The following LEF1 variants were observed in gnomAD, a reference collection of about 807,000 sequenced individuals.
LEF1 encodes the protein lymphoid enhancer binding factor 1.
Under a neutral mutation model 51.2 loss-of-function variants are expected in LEF1, and 14 were observed. The ratio of observed to expected loss-of-function variants is 0.27; its 90% confidence interval spans 0.18 to 0.43. LEF1 has a LOEUF of 0.43. Ranked by LOEUF, LEF1 falls within the 20% of genes least tolerant of loss-of-function variation. LEF1 has a pLI of 1.00. For missense variants in LEF1, 386 were observed against 512.0 expected (o/e 0.75, Z 2.37); for synonymous variants, 185 against 183.2 (o/e 1.01, Z -0.08).
At chr4:108,105,693 C>T (rs1424623225) in intron 3 of LEF1, among the ~76,000 whole-genome samples, 1 of 152,054 alleles carries the variant, frequency 6.6e-6, no homozygotes, top group African/African-American at 2.4e-5. Flanking sequence ...CTCTATAGAC[C>T]TGGTGAAATT....
chr4:108,053,132 G>A (rs188603079), intron 11 of LEF1, among the ~76,000 whole-genome samples: 6 of 152,214 alleles, frequency 3.9e-5, no homozygotes, highest in African/African-American at 1.4e-4. Context: ...TATCCTGGTG[G>A]AGGCAGTCTA....
At chr4:108,154,523 C>A (rs1744570520) in intron 3 of LEF1, among the ~76,000 whole-genome samples, 1 of 140,954 alleles carries the variant, frequency 7.1e-6, no homozygotes, top group Non-Finnish European at 1.5e-5. Flanking sequence ...TGAGTTTTAA[C>A]TTAAAATTCT....
intron 3 of LEF1, among the ~76,000 whole-genome samples, chr4:108,116,207 A>G (rs1266886913): frequency 6.6e-6 from 1 of 152,146 alleles, no homozygotes; most frequent in Non-Finnish European, 1.5e-5. Context: ...GCTGACAGGA[A>G]AGAGAAACAG....
intron 3 of LEF1, among the ~76,000 whole-genome samples, chr4:108,097,111 C>G (rs1429127822): frequency 6.6e-6 from 1 of 152,138 alleles, no homozygotes; most frequent in Non-Finnish European, 1.5e-5. Flanking sequence ...GAAAGGAAAT[C>G]AGTATATTAA....
chr4:108,104,717 T>A, intron 3 of LEF1: 1 of 982,442 alleles, frequency 1.0e-6, no homozygotes. Flanking sequence ...CCTCAATTCC[T>A]GGGCCTATCT....
intron 3 of LEF1, among the ~76,000 whole-genome samples, chr4:108,157,214 A>ACACT (rs1744786548): frequency 3.4e-5 from 5 of 147,694 alleles, no homozygotes; most frequent in Admixed American, 2.7e-4. Context: ...ACACACACAC[A>ACACT]CACACAAACA....
rs369135429 is a variant in LEF1, at chr4:108,145,122, A to G, written c.414+18446T>C. Among the ~76,000 whole-genome samples the G allele has an allele frequency of 3.3e-5, 5 of 152,316 alleles. No individual in the cohort carries two copies. The East Asian group carries it at 7.7e-4, about 24-fold the overall frequency. On this transcript the variant is annotated intron_variant, in intron 3 of 11. Transcript: ENST00000265165. ...GAAGAAAATACTACAATGTCAATAC[A>G]TATTTCTATATGAAAAATTTTAAGT...
chr4:108,160,801 T>C (rs1745011713), intron 3 of LEF1, among the ~76,000 whole-genome samples: 1 of 152,160 alleles, frequency 6.6e-6, no homozygotes, highest in South Asian at 2.1e-4. Flanking sequence ...AGCAGAAACA[T>C]TTCTCTGCAT....
chr4:108,079,370 CAGAGGT>C, intron 7 of LEF1, 116 bp downstream of exon 7: 1 of 1,093,864 alleles, frequency 9.1e-7, no homozygotes, highest in Non-Finnish European at 1.4e-6. Flanking sequence ...GTTTTCAAGG[CAGAGGT>C]GCATTGAGTT....
At chr4:108,140,971 T>C (rs1743609182) in intron 3 of LEF1, among the ~76,000 whole-genome samples, 1 of 152,192 alleles carries the variant, frequency 6.6e-6, no homozygotes, top group Non-Finnish European at 1.5e-5. Flanking sequence ...AATGCTTTTT[T>C]GAGACAAGTT....
chr4:108,070,121 C>G (rs1738363290), intron 9 of LEF1, among the ~76,000 whole-genome samples: 3 of 151,836 alleles, frequency 2.0e-5, no homozygotes, highest in Admixed American at 2.0e-4. Context: ...CAATAGGAAG[C>G]AACTTAAATG....
chr4:108,079,352 G>T, intron 7 of LEF1, 140 bp downstream of exon 7: 1 of 951,888 alleles, frequency 1.1e-6, no homozygotes, highest in East Asian at 2.5e-5. Context: ...AATGTCCTCA[G>T]GGACAGAGTT....
intron 3 of LEF1, among the ~76,000 whole-genome samples, chr4:108,154,504 C>CA (rs1223297601): frequency 1.6e-5 from 2 of 122,972 alleles, no homozygotes; most frequent in Admixed American, 8.0e-5. Context: ...AAAAAAAAAC[C>CA]AAAAAACTTG....
At chr4:108,116,142 G>T (rs919816571) in intron 3 of LEF1, among the ~76,000 whole-genome samples, 1 of 152,144 alleles carries the variant, frequency 6.6e-6, no homozygotes, top group African/African-American at 2.4e-5. Flanking sequence ...AGCTGTGTGG[G>T]AGTTGGCTTG....
At chr4:108,139,474 T>C (rs951751429) in intron 3 of LEF1, among the ~76,000 whole-genome samples, 1 of 152,222 alleles carries the variant, frequency 6.6e-6, no homozygotes, top group African/African-American at 2.4e-5. Flanking sequence ...GAAGGGCTGT[T>C]AAATGTGACT....
In LEF1 at chr4:108,048,676, CA is replaced by C. The variant is rs764080823; in HGVS notation, c.*81del. ...CCGTGGAGACAGTCTGGGTTTTCAA[CA>C]AGCTTCCATCTCCAGAAGAGGTCCT... On this transcript the variant is annotated 3_prime_UTR_variant, in exon 12 of 12. Coordinates refer to ENST00000265165, the MANE Select transcript of LEF1 (RefSeq NM_016269.5). The C allele has an allele frequency of 5.0e-6, 8 of 1,600,800 alleles. No individual in the cohort carries two copies. The highest frequency in any genetic ancestry group is 6.8e-6 in the Non-Finnish European group (8 of 1,173,218).
At chr4:108,126,942 G>A (rs1189703353) in intron 3 of LEF1, among the ~76,000 whole-genome samples, 1 of 151,462 alleles carries the variant, frequency 6.6e-6, no homozygotes. Context: ...CTGTCCTTAA[G>A]AATCTGTATG....
At chr4:108,078,747 T>C (rs1054341107) in intron 7 of LEF1, among the ~76,000 whole-genome samples, 5 of 152,200 alleles carry the variant, frequency 3.3e-5, no homozygotes, top group African/African-American at 1.2e-4. Context: ...CAGAAGAAGC[T>C]GAACACACAG....
chr4:108,099,999 C>G (rs1290954423), intron 3 of LEF1, among the ~76,000 whole-genome samples: 3 of 152,108 alleles, frequency 2.0e-5, no homozygotes, highest in Non-Finnish European at 4.4e-5. Flanking sequence ...AAGTAACCAT[C>G]TTTTCCATTT....
Sources: allele counts gnomAD v4.1 joint callset (sites outside exome capture counted in the v4.1 genomes callset), GRCh38; gene constraint gnomAD v4.1.1; transcripts MANE v1.5; gene names NCBI Gene and HGNC (gene_info 2026-07-23, HGNC 2026-07-21).